LPA: variants seen among roughly 807,000 people sequenced by gnomAD.
The protein encoded by LPA is apolipoprotein(a).
A neutral mutation model predicts 197.9 loss-of-function variants in LPA; 199 were observed. That is an observed-to-expected ratio of 1.01 (90% confidence interval 0.90 to 1.13). The LOEUF (loss-of-function observed/expected upper bound fraction) is 1.13. Ranked by LOEUF, LPA falls within the 50% of genes most tolerant of loss-of-function variation. The probability of loss-of-function intolerance (pLI) is 0.00; values close to 1 mark genes in which losing one functional copy is unlikely to be tolerated. For synonymous variants in LPA, 715 were observed against 639.5 expected, an observed-to-expected ratio of 1.12 and a Z score of -1.78; for missense variants, 1,853 against 1,785.8, an observed-to-expected ratio of 1.04 and a Z score of -0.68.
intron 28 of LPA, among the ~76,000 whole-genome samples, chr6:160,565,923 G>T (rs767518959): frequency 1.3e-5 from 2 of 152,248 alleles, no homozygotes; most frequent in African/African-American, 2.4e-5. Context: ...GGAAGAAAGG[G>T]TATCAGTGAT....
chr6:160,547,615 G>A (rs921092423), intron 32 of LPA, among the ~76,000 whole-genome samples, 174 bp downstream of exon 32: 5 of 152,144 alleles, frequency 3.3e-5, no homozygotes, highest in African/African-American at 1.2e-4. Context: ...AAGAGAAGAG[G>A]CCTGAGAACC....
chr6:160,538,974 G>C (rs1777935603), intron 36 of LPA, among the ~76,000 whole-genome samples: 1 of 152,180 alleles, frequency 6.6e-6, no homozygotes, highest in African/African-American at 2.4e-5. Flanking sequence ...AGGACCCTGG[G>C]GAGCAAGAGG....
intron 22 of LPA, among the ~76,000 whole-genome samples, chr6:160,592,072 G>A (rs1779040822): frequency 6.6e-6 from 1 of 152,120 alleles, no homozygotes; most frequent in Admixed American, 6.5e-5. Context: ...TGTATGTTTG[G>A]AAATTTGTCA....
At chr6:160,563,586 C>G (rs1190144035) in intron 28 of LPA, among the ~76,000 whole-genome samples, 1 of 152,194 alleles carries the variant, frequency 6.6e-6, no homozygotes, top group Non-Finnish European at 1.5e-5. Flanking sequence ...ATTAGGTCAG[C>G]TTGGTCCAGA....
intron 7 of LPA, among the ~76,000 whole-genome samples, chr6:160,634,561 G>C (rs1446829848): frequency 1.4e-5 from 2 of 143,002 alleles, no homozygotes; most frequent in African/African-American, 5.7e-5. Flanking sequence ...AGTGCCATCA[G>C]AAAGAGGTTT....
At chr6:160,535,462 ATGG>A (rs1474424598) in intron 37 of LPA, among the ~76,000 whole-genome samples, 2 of 9,884 alleles carry the variant, frequency 2.0e-4, no homozygotes, top group African/African-American at 6.5e-4. Flanking sequence ...AATGATGATG[ATGG>A]TGGTGGTGAT....
chr6:160,555,323 ATGTG>A (rs1359693407), intron 30 of LPA, among the ~76,000 whole-genome samples: 2,240 of 112,572 alleles, frequency 0.02, 68 homozygotes, highest in African/African-American at 0.069. Context: ...GTGTGTGTGT[ATGTG>A]TGTGTGTCCT....
chr6:160,606,523 AG>A lies in LPA; in HGVS notation c.2738del (p.Pro913LeufsTer10). ...GGCTTGGAATCGGGGTAATAGTTGG[AG>A]GCGCGACGGCAGTCCCTTCTGCGTC... ...CSDAEGTAVAPPTITPIPSLE... is the reference protein window; with the variant it reads ...CSDAEGTAVAXPTITPIPSLE... On this transcript the variant is annotated frameshift_variant, in exon 17 of 39. Transcript: ENST00000316300. LOFTEE classifies it high-confidence loss of function. 1 of 1,613,600 alleles carries A rather than the reference AG, an allele frequency of 6.2e-7. No individual in the cohort carries two copies. Among genetic ancestry groups the A allele is most frequent in the Non-Finnish European group, 8.5e-7 (1 of 1,179,926 alleles).
At chr6:160,607,330 G>C (rs1042232467) in intron 16 of LPA, among the ~76,000 whole-genome samples, 2 of 152,138 alleles carry the variant, frequency 1.3e-5, no homozygotes, top group African/African-American at 4.8e-5. Flanking sequence ...CTCCCAGGCA[G>C]AATGCAGCAT....
At chr6:160,569,397 A>AAT (rs1254491113) in intron 28 of LPA, among the ~76,000 whole-genome samples, 1 of 152,036 alleles carries the variant, frequency 6.6e-6, no homozygotes, top group Non-Finnish European at 1.5e-5. Context: ...TTCCCTATTT[A>AAT]ATACATGGTG....
At chr6:160,541,080 C>G in intron 35 of LPA, 27 bp downstream of exon 35, 1 of 1,603,310 alleles carries the variant, frequency 6.2e-7, no homozygotes, top group Non-Finnish European at 8.5e-7. Context: ...AAGATAAGAC[C>G]CCATGTCAGT....
chr6:160,590,839 A>G (rs1282650945), intron 23 of LPA, 105 bp downstream of exon 23: 1 of 1,484,250 alleles, frequency 6.7e-7, no homozygotes, highest in African/African-American at 1.4e-5. Context: ...CTGAGTCCAC[A>G]TTCAGATTCC....
chr6:160,594,390 C>T lies in LPA; in HGVS notation c.3470-273G>A, dbSNP rs1275697980. On this transcript the variant is annotated intron_variant, in intron 21 of 38. Coordinates refer to ENST00000316300, the MANE Select transcript of LPA (RefSeq NM_005577.4). ...TCAAAATTGCACTCATGTGCATGCT[C>T]TTTAATATAGACATCTTCTGGGTGT... 5.3e-5 allele frequency among the ~76,000 whole-genome samples: 8 copies of T among 152,188 alleles called. No homozygotes were observed. In the South Asian group the frequency reaches 1.7e-3, roughly 31 times the overall value.
intron 14 of LPA, among the ~76,000 whole-genome samples, chr6:160,615,354 G>C (rs1357957808): frequency 8.7e-5 from 10 of 114,964 alleles, no homozygotes; most frequent in African/African-American, 1.6e-4. Flanking sequence ...TTTTCAGTTT[G>C]TGTGTGTGTG....
rs780412888 is a variant in LPA at position 160,540,173 on chromosome 6, G to A, written c.5605C>T (p.Pro1869Ser). The change falls in exon 36 of 39, where the codon CCT (proline) becomes TCT (serine). Residue 1869 changes from proline to serine, a missense_variant. Physicochemically the swap from Pro to Ser is moderately conservative, Grantham distance 74. Transcript: ENST00000316300. Reference protein sequence around the residue: ...AAHCLKKSSRPSSYKVILGAH... With the variant: ...AAHCLKKSSRSSSYKVILGAH... ...CCCAGGATGACCTTGTAGGATGAAGGCCTTGAGGACCTAGAAAAGATGAGG... is the reference window on the plus strand; with the variant it reads ...CCCAGGATGACCTTGTAGGATGAAGACCTTGAGGACCTAGAAAAGATGAGG... The A allele has an allele frequency of 1.2e-6, 2 of 1,614,132 alleles. No homozygotes were observed. The highest frequency in any genetic ancestry group is 1.7e-5 in the Admixed American group (1 of 60,010).
intron 16 of LPA, among the ~76,000 whole-genome samples, chr6:160,611,146 G>C (rs1303269855): frequency 6.6e-6 from 1 of 152,156 alleles, no homozygotes; most frequent in Admixed American, 6.5e-5. Flanking sequence ...CTGTCCATAA[G>C]TAAGCACATA....
Position 160,555,455 on chromosome 6 carries a change from A to ATG in LPA, c.4973+568_4973+569dup, listed in dbSNP as rs112444533. Among the ~76,000 whole-genome samples, 975 of 133,054 alleles carry ATG rather than the reference A, an allele frequency of 7.3e-3. 13 individuals carry two copies. The highest frequency in any genetic ancestry group is 0.025 in the African/African-American group (886 of 35,262). The allele number at this position is 133,054 out of a possible 152,430, so 87.3% of individuals were successfully genotyped here. A position where few individuals can be genotyped will look rare whatever the true frequency, so the allele number is the denominator to read the frequency against. ...CTAGAACATATATATATATATATATATGTGTGTGTATATATATATGTATAT... is the reference window on the plus strand; with the variant it reads ...CTAGAACATATATATATATATATATATGTGTGTGTGTATATATATATGTATAT... On this transcript the variant is annotated intron_variant, in intron 30 of 38. Transcript: ENST00000316300.
intron 28 of LPA, among the ~76,000 whole-genome samples, chr6:160,559,093 C>T (rs553876751): frequency 5.9e-5 from 9 of 152,290 alleles, no homozygotes; most frequent in African/African-American, 1.9e-4. Flanking sequence ...TGGATCAACA[C>T]CTATACCTGT....
chr6:160,575,787 T>C (rs775604022), intron 28 of LPA, among the ~76,000 whole-genome samples: 17 of 152,204 alleles, frequency 1.1e-4, no homozygotes, highest in Non-Finnish European at 2.1e-4. Context: ...GTAGCTGTTC[T>C]TTGTCCTACT....
Sources: gnomAD v4.1 joint callset for allele counts (sites outside exome capture counted in the v4.1 genomes callset) on GRCh38, gnomAD v4.1.1 for gene constraint, MANE v1.5 for transcripts, NCBI Gene and HGNC (gene_info 2026-07-23, HGNC 2026-07-21) for gene names.